The following ROBO1 variants were observed in gnomAD, a reference collection of about 807,000 sequenced individuals.
ROBO1 encodes roundabout homolog 1.
In ROBO1, 149 loss-of-function variants were observed where a neutral mutation model predicts 195.9. That is an observed-to-expected ratio of 0.76 (90% CI 0.67 to 0.87). The LOEUF (loss-of-function observed/expected upper bound fraction) is 0.87, where lower values mean the gene tolerates loss of function less well. ROBO1 is among the 40% of genes least tolerant of loss of function. The probability of loss-of-function intolerance (pLI) is 0.00; values close to 1 mark genes in which losing one functional copy is unlikely to be tolerated. For missense variants in ROBO1, 1,933 were observed against 2,068.3 expected (o/e 0.93, Z 1.27); for synonymous variants, 816 against 733.2 (o/e 1.11, Z -1.82).
chr3:79,637,471 A>G (rs965404844), intron 1 of ROBO1, among the ~76,000 whole-genome samples: 11 of 26,792 alleles, frequency 4.1e-4, no homozygotes, highest in Non-Finnish European at 3.6e-4. Context: ...TTACATTGGA[A>G]AAAAAAAAGT....
chr3:79,241,884 C>T (rs142836656), intron 2 of ROBO1, among the ~76,000 whole-genome samples: 1 of 151,586 alleles, frequency 6.6e-6, no homozygotes, highest in East Asian at 1.9e-4. Flanking sequence ...ATAGCAGGCA[C>T]TACTAGCCGT....
At chr3:79,508,768 CCTT>C (rs1449178806) in intron 2 of ROBO1, among the ~76,000 whole-genome samples, 4 of 152,124 alleles carry the variant, frequency 2.6e-5, no homozygotes, top group Non-Finnish European at 4.4e-5. Context: ...AAATAAGTGA[CCTT>C]CTTCTATTTA....
At chr3:78,987,921 T>C (rs2077149691) in intron 3 of ROBO1, among the ~76,000 whole-genome samples, 1 of 152,124 alleles carries the variant, frequency 6.6e-6, no homozygotes, top group African/African-American at 2.4e-5. Context: ...AACATAATTA[T>C]ATTATATAAA....
At chr3:79,451,475 G>A (rs1292647770) in intron 2 of ROBO1, among the ~76,000 whole-genome samples, 1 of 152,110 alleles carries the variant, frequency 6.6e-6, no homozygotes, top group Non-Finnish European at 1.5e-5. Context: ...CTGCTAATAG[G>A]AGTGTAGACT....
chr3:79,242,081 C>T (rs923728100), intron 2 of ROBO1, among the ~76,000 whole-genome samples: 2 of 151,652 alleles, frequency 1.3e-5, no homozygotes, highest in African/African-American at 4.8e-5. Context: ...AAAGAAGGAT[C>T]CCTGACCCTT....
chr3:79,533,599 C>T (rs2107618393), intron 2 of ROBO1, among the ~76,000 whole-genome samples: 1 of 152,196 alleles, frequency 6.6e-6, no homozygotes, highest in South Asian at 2.1e-4. Flanking sequence ...TTCTGAACTT[C>T]CTTTCTGCCC....
intron 1 of ROBO1, among the ~76,000 whole-genome samples, chr3:79,753,133 A>C (rs1304797230): frequency 1.3e-5 from 2 of 152,062 alleles, no homozygotes; most frequent in Non-Finnish European, 2.9e-5. Context: ...AAATAAATAC[A>C]CTTGAGTACC....
chr3:79,430,868 G>C (rs753449106), intron 2 of ROBO1, among the ~76,000 whole-genome samples: 49 of 152,206 alleles, frequency 3.2e-4, no homozygotes, highest in Non-Finnish European at 6.2e-4. Context: ...TTTTTGGGAA[G>C]AGAATGAAGA....
chr3:79,488,745 C>T (rs1420582688), intron 2 of ROBO1, among the ~76,000 whole-genome samples: 1 of 152,152 alleles, frequency 6.6e-6, no homozygotes, highest in African/African-American at 2.4e-5. Flanking sequence ...TGGACATACA[C>T]TGCAAGTTAG....
chr3:78,930,543 C>T (rs188119101), intron 4 of ROBO1, among the ~76,000 whole-genome samples: 42 of 152,256 alleles, frequency 2.8e-4, no homozygotes, highest in Admixed American at 2.2e-3. Flanking sequence ...CATACCAAAC[C>T]GCTATAAGCC....
At chr3:78,766,563 A>G (rs1337725398) in intron 4 of ROBO1, among the ~76,000 whole-genome samples, 1 of 152,132 alleles carries the variant, frequency 6.6e-6, no homozygotes, top group African/African-American at 2.4e-5. Context: ...TCCTCAGCAA[A>G]CAGTGACAAT....
chr3:79,378,913 C>A (rs1356235870), intron 2 of ROBO1, among the ~76,000 whole-genome samples: 3 of 152,200 alleles, frequency 2.0e-5, no homozygotes, highest in African/African-American at 7.2e-5. Context: ...GCAAATCGCC[C>A]TGGAGCTTCA....
intron 2 of ROBO1, among the ~76,000 whole-genome samples, chr3:79,311,433 C>A (rs2033478819): frequency 6.6e-6 from 1 of 152,038 alleles, no homozygotes; most frequent in East Asian, 1.9e-4. Flanking sequence ...AATTTAAATT[C>A]TTATAAATTT....
chr3:78,611,624 C>A (rs1703818716), intron 28 of ROBO1, among the ~76,000 whole-genome samples: 1 of 152,188 alleles, frequency 6.6e-6, no homozygotes, highest in Non-Finnish European at 1.5e-5. Flanking sequence ...CAAGGTTTGG[C>A]CACAATGCCG....
chr3:79,498,042 T>A (rs1029925426), intron 2 of ROBO1, among the ~76,000 whole-genome samples: 1 of 152,244 alleles, frequency 6.6e-6, no homozygotes, highest in Middle Eastern at 3.4e-3. Flanking sequence ...GAAACTATCA[T>A]CGAATCTCAT....
intron 2 of ROBO1, among the ~76,000 whole-genome samples, chr3:79,309,475 T>A (rs954016858): frequency 3.9e-5 from 6 of 152,196 alleles, no homozygotes; most frequent in Middle Eastern, 3.4e-3. Context: ...CATGGTGGCA[T>A]GTGTCTGTAG....
At chr3:79,301,054 C>G (rs562417501) in intron 2 of ROBO1, among the ~76,000 whole-genome samples, 1 of 152,104 alleles carries the variant, frequency 6.6e-6, no homozygotes, top group Non-Finnish European at 1.5e-5. Flanking sequence ...GCAACCCTCT[C>G]GGGTCACCTT....
At chr3:79,519,414 A>C (rs1941099971) in intron 2 of ROBO1, among the ~76,000 whole-genome samples, 1 of 151,952 alleles carries the variant, frequency 6.6e-6, no homozygotes, top group East Asian at 1.9e-4. Flanking sequence ...GTGGATCACG[A>C]GGTCAGGAGA....
chr3:78,599,654 T>C (rs994144498), intron 30 of ROBO1, among the ~76,000 whole-genome samples: 2 of 152,126 alleles, frequency 1.3e-5, no homozygotes, highest in African/African-American at 2.4e-5. Context: ...TGTCACAGAC[T>C]AGGCATACAC....
Sources: allele counts gnomAD v4.1 joint callset (sites outside exome capture counted in the v4.1 genomes callset), GRCh38; gene constraint gnomAD v4.1.1; transcripts MANE v1.5; gene names NCBI Gene and HGNC (gene_info 2026-07-23, HGNC 2026-07-21).